Variants in FGGY observed in about 807,000 individuals in gnomAD.
The protein encoded by FGGY is FGGY carbohydrate kinase domain containing.
A neutral mutation model predicts 71.3 loss-of-function variants in FGGY; 72 were observed. The observed-to-expected ratio is 1.01, with a 90% confidence interval of 0.84 to 1.23. The LOEUF is 1.23. FGGY is among the 50% of genes most tolerant of loss of function. FGGY has a pLI of 0.00. For synonymous variants in FGGY, 251 were observed against 250.3 expected (o/e 1.00, Z -0.02); for missense variants, 668 against 682.3 (o/e 0.98, Z 0.23).
chr1:59,487,345 C>T (rs1404689542), intron 6 of FGGY, among the ~76,000 whole-genome samples: 1 of 152,096 alleles, frequency 6.6e-6, no homozygotes, highest in Non-Finnish European at 1.5e-5. Flanking sequence ...ATCTTCACTT[C>T]CTATTATAAC....
At chr1:59,372,662 A>G (rs2057890413) in intron 4 of FGGY, among the ~76,000 whole-genome samples, 2 of 152,200 alleles carry the variant, frequency 1.3e-5, no homozygotes, top group Admixed American at 1.3e-4. Context: ...AATCCTCAAT[A>G]AAATACTGGC....
intron 6 of FGGY, among the ~76,000 whole-genome samples, chr1:59,486,808 T>C (rs1296998920): frequency 2.0e-5 from 3 of 152,200 alleles, no homozygotes; most frequent in African/African-American, 4.8e-5. Context: ...CAGTGCATAC[T>C]GTGAGCAGTG....
chr1:59,567,578 A>G (rs2095895842), intron 8 of FGGY, among the ~76,000 whole-genome samples: 1 of 152,052 alleles, frequency 6.6e-6, no homozygotes. Context: ...TGATAAAATT[A>G]CAGGTTTCCA....
At chr1:59,723,287 G>T (rs1352105078) in intron 14 of FGGY, among the ~76,000 whole-genome samples, 3 of 152,032 alleles carry the variant, frequency 2.0e-5, no homozygotes, top group Admixed American at 6.5e-5. Context: ...TCATCTTTTT[G>T]ATATTAAGCT....
Position 59,457,504 on chromosome 1 carries a change from C to T in FGGY, c.670+428C>T, listed in dbSNP as rs560374636. On this transcript the variant is annotated intron_variant, in intron 6 of 15. Transcript: ENST00000303721. The stretch of plus-strand genomic sequence containing the variant: ...CATATGTCTGTAGTGTCAGCTACTC[C>T]GGAGGCTGAGGTGGGGGGATTGCTT... Among the ~76,000 whole-genome samples the T allele has an allele frequency of 1.4e-3, 210 of 151,950 alleles. 1 individual carries two copies. The highest frequency in any genetic ancestry group is 4.5e-3 in the African/African-American group (187 of 41,448).
At chr1:59,642,392 C>T (rs1242771363) in intron 11 of FGGY, among the ~76,000 whole-genome samples, 1 of 151,996 alleles carries the variant, frequency 6.6e-6, no homozygotes, top group African/African-American at 2.4e-5. Context: ...TTTGGGAGGC[C>T]GAGCCAGTTG....
intron 8 of FGGY, among the ~76,000 whole-genome samples, chr1:59,592,977 G>T (rs58502081): frequency 0.053 from 8,013 of 152,184 alleles, 403 homozygotes; most frequent in African/African-American, 0.14. Flanking sequence ...AAATAAAAGA[G>T]AAATGCATTT....
intron 8 of FGGY, among the ~76,000 whole-genome samples, chr1:59,588,813 C>A (rs1040401379): frequency 6.6e-5 from 10 of 152,260 alleles, no homozygotes; most frequent in East Asian, 5.8e-4. Flanking sequence ...AAGGAACAAC[C>A]GGTACCAGCC....
chr1:59,667,354 A>G lies in FGGY; in HGVS notation c.1368A>G (p.Gly456=). 7.4e-6 allele frequency: 12 copies of G among 1,614,186 alleles called. No individual in the cohort carries two copies. Among genetic ancestry groups the G allele is most frequent in the Non-Finnish European group, 1.0e-5 (12 of 1,180,016 alleles). Residue 456 remains glycine, a synonymous_variant, in exon 13 of 16, where the codon GGA becomes GGG. Transcript: ENST00000303721. The part of the protein sequence containing the change: ...GHSISTLFLC[G]GLSKNPLFVQ... ...CAATCAGTACTCTTTTCCTATGTGG[A>G]GGCCTCAGCAAGAATCCCCTTTTTG... is the stretch of plus-strand genomic sequence containing the variant.
At chr1:59,538,436 C>T (rs187258863) in intron 7 of FGGY, among the ~76,000 whole-genome samples, 9,700 of 151,338 alleles carry the variant, frequency 0.064, 646 homozygotes, top group African/African-American at 0.18. Flanking sequence ...GTCAGCGTGG[C>T]GATTCCTCAG....
At chr1:59,546,528 TGA>T (rs72332483) in intron 7 of FGGY, among the ~76,000 whole-genome samples, 6,393 of 101,324 alleles carry the variant, frequency 0.063, 201 homozygotes, top group South Asian at 0.21. Flanking sequence ...ATGATGATGA[TGA>T]TGATGATTAT....
At chr1:59,464,080 T>C (rs908817654) in intron 6 of FGGY, among the ~76,000 whole-genome samples, 1 of 152,130 alleles carries the variant, frequency 6.6e-6, no homozygotes, top group Non-Finnish European at 1.5e-5. Context: ...GAGCACCACA[T>C]TGCACTTATT....
chr1:59,441,415 A>G (rs972367776), intron 5 of FGGY, among the ~76,000 whole-genome samples: 1 of 152,230 alleles, frequency 6.6e-6, no homozygotes, highest in Non-Finnish European at 1.5e-5. Context: ...TGGGTTGCTT[A>G]TGCCATTATT....
chr1:59,348,214 A>G (rs867801882), intron 4 of FGGY, among the ~76,000 whole-genome samples: 3 of 152,322 alleles, frequency 2.0e-5, no homozygotes, highest in African/African-American at 4.8e-5. Flanking sequence ...TACCGTTCCA[A>G]TGAGAAAGCA....
At chr1:59,661,652 AATG>A (rs747834220) in intron 12 of FGGY, among the ~76,000 whole-genome samples, 10 of 152,176 alleles carry the variant, frequency 6.6e-5, no homozygotes, top group African/African-American at 9.7e-5. Flanking sequence ...TTATAATAAT[AATG>A]ATGATTATGA....
intron 5 of FGGY, among the ~76,000 whole-genome samples, chr1:59,433,359 T>C (rs1203556214): frequency 6.6e-6 from 1 of 152,182 alleles, no homozygotes; most frequent in Non-Finnish European, 1.5e-5. Flanking sequence ...CCTTGAGTAG[T>C]GTTCATATCC....
At chr1:59,591,236 T>C (rs1439454080) in intron 8 of FGGY, among the ~76,000 whole-genome samples, 5 of 152,146 alleles carry the variant, frequency 3.3e-5, no homozygotes, top group Non-Finnish European at 7.3e-5. Context: ...TTACAAGGGA[T>C]GTGAAGGACC....
chr1:59,605,360 C>T (rs1159474401), intron 8 of FGGY, among the ~76,000 whole-genome samples: 2 of 152,140 alleles, frequency 1.3e-5, no homozygotes, highest in Non-Finnish European at 2.9e-5. Flanking sequence ...AAAGTCCTGG[C>T]CAAACCTGCG....
chr1:59,674,058 G>T lies in FGGY; in HGVS notation c.1437G>T (p.Ser479=), dbSNP rs367896177. Residue 479 remains serine, a synonymous_variant, in exon 14 of 16, where the codon TCG becomes TCT. Coordinates refer to ENST00000303721, the MANE Select transcript of FGGY (RefSeq NM_018291.5). ...GCGCAGGCATGCCTGTGGTCCTGTC[G>T]CAAGAGGTGGAGTCCGTTCTTGTGG... ...ADITGMPVVL[S]QEVESVLVGA... is the part of the protein sequence containing the mutation. 5.6e-6 allele frequency: 9 copies of T among 1,613,722 alleles called. No homozygotes were observed. Among genetic ancestry groups the T allele is most frequent in the African/African-American group, 4.0e-5 (3 of 74,900 alleles).
Sources: allele counts gnomAD v4.1 joint callset (sites outside exome capture counted in the v4.1 genomes callset), GRCh38; gene constraint gnomAD v4.1.1; transcripts MANE v1.5; gene names NCBI Gene and HGNC (gene_info 2026-07-23, HGNC 2026-07-21).